Variants in CTNND2 observed in about 807,000 individuals in gnomAD.
CTNND2 encodes catenin delta-2.
CTNND2 carries 22 observed loss-of-function variants against 144.4 expected under a neutral mutation model. The observed-to-expected ratio is 0.15, with a 90% CI of 0.11 to 0.22. The LOEUF (loss-of-function observed/expected upper bound fraction) is 0.22. Ranked by LOEUF, CTNND2 falls within the 10% of genes least tolerant of loss-of-function variation. The pLI is 1.00. For synonymous variants in CTNND2, 751 were observed against 695.6 expected (o/e 1.08, Z -1.25); for missense variants, 1,353 against 1,618.8 (o/e 0.84, Z 2.82).
intron 2 of CTNND2, among the ~76,000 whole-genome samples, chr5:11,593,058 A>C (rs776257100): frequency 2.0e-5 from 3 of 152,074 alleles, no homozygotes; most frequent in Admixed American, 6.6e-5. Context: ...GTTGCGAAAA[A>C]ATAAAAAAAA....
At chr5:11,807,022 TA>T (rs1792041904) in intron 1 of CTNND2, among the ~76,000 whole-genome samples, 2 of 151,764 alleles carry the variant, frequency 1.3e-5, no homozygotes, top group South Asian at 4.1e-4. Context: ...ATAATAAAAA[TA>T]AATATTTAAC....
At chr5:11,894,985 G>A (rs1013856175) in intron 1 of CTNND2, among the ~76,000 whole-genome samples, 2 of 152,158 alleles carry the variant, frequency 1.3e-5, no homozygotes, top group African/African-American at 4.8e-5. Context: ...GGGTGGGGCT[G>A]GGGAGAAGCA....
intron 1 of CTNND2, among the ~76,000 whole-genome samples, chr5:11,838,342 G>A (rs1794285823): frequency 6.6e-6 from 1 of 152,096 alleles, no homozygotes; most frequent in South Asian, 2.1e-4. Context: ...TTCAAACACA[G>A]CAGGCACATT....
chr5:11,722,729 C>A (rs1359900477), intron 2 of CTNND2, among the ~76,000 whole-genome samples: 1 of 152,158 alleles, frequency 6.6e-6, no homozygotes, highest in Non-Finnish European at 1.5e-5. Flanking sequence ...ACTATCACAA[C>A]AACAGCAGGA....
rs71595819 is a variant in CTNND2 at position 11,435,115 on chromosome 5, CTATT to C, written c.288-23050_288-23047del. On this transcript the variant is annotated intron_variant, in intron 3 of 21. Transcript: ENST00000304623. ...AGATTAGCAAACGTTTTCTTTTTTACTATTTATTTATTTATTTATTTATTTATTT... is the reference window on the plus strand; with the variant it reads ...AGATTAGCAAACGTTTTCTTTTTTACTATTTATTTATTTATTTATTTATTT... Among the ~76,000 whole-genome samples, 1,046 of 146,024 alleles carry C rather than the reference CTATT, an allele frequency of 7.2e-3. 7 individuals carry two copies. The highest frequency in any genetic ancestry group is 0.012 in the African/African-American group (464 of 39,634).
chr5:11,286,883 C>T (rs1027022174), intron 9 of CTNND2, among the ~76,000 whole-genome samples: 13 of 152,140 alleles, frequency 8.5e-5, no homozygotes, highest in Non-Finnish European at 1.5e-5. Context: ...AAGAACAGTC[C>T]TTGCTTGCTG....
intron 11 of CTNND2, among the ~76,000 whole-genome samples, chr5:11,178,378 C>T (rs906343746): frequency 7.2e-5 from 11 of 152,144 alleles, no homozygotes; most frequent in African/African-American, 2.7e-4. Flanking sequence ...ATATAGTTTC[C>T]ACCAAATTAG....
intron 11 of CTNND2, among the ~76,000 whole-genome samples, chr5:11,180,167 T>C (rs186428383): frequency 7.9e-5 from 12 of 152,160 alleles, no homozygotes; most frequent in Non-Finnish European, 7.4e-5. Flanking sequence ...GTTCTTGTGA[T>C]AGTGAGTGAA....
chr5:11,062,209 T>C (rs1384143562), intron 16 of CTNND2, among the ~76,000 whole-genome samples: 5 of 152,076 alleles, frequency 3.3e-5, no homozygotes. Context: ...TATCCAACTA[T>C]GTATTAGCAT....
intron 6 of CTNND2, among the ~76,000 whole-genome samples, chr5:11,390,024 G>A (rs1037245870): frequency 6.6e-6 from 1 of 152,074 alleles, no homozygotes; most frequent in Admixed American, 6.5e-5. Flanking sequence ...ATCGCCCCCC[G>A]CCAAAATCTG....
chr5:11,393,478 G>A (rs573981389), intron 6 of CTNND2, among the ~76,000 whole-genome samples: 23 of 152,066 alleles, frequency 1.5e-4, no homozygotes, highest in South Asian at 4.1e-4. Flanking sequence ...TTTTTTATTC[G>A]GACATGGGGT....
chr5:11,454,845 G>A (rs765105475), intron 3 of CTNND2, among the ~76,000 whole-genome samples: 21 of 151,142 alleles, frequency 1.4e-4, no homozygotes, highest in Non-Finnish European at 1.9e-4. Context: ...CAGGCAATCC[G>A]CCCATCTCAG....
At chr5:10,984,941 G>A (rs1737750244) in intron 20 of CTNND2, among the ~76,000 whole-genome samples, 1 of 152,070 alleles carries the variant, frequency 6.6e-6, no homozygotes, top group African/African-American at 2.4e-5. Context: ...GGGCATGGTG[G>A]CAGGTGCCTG....
At chr5:11,483,570 T>C (rs1463853706) in intron 3 of CTNND2, among the ~76,000 whole-genome samples, 1 of 152,228 alleles carries the variant, frequency 6.6e-6, no homozygotes, top group Non-Finnish European at 1.5e-5. Context: ...ATGGAGCATA[T>C]GACCTTCAAT....
intron 9 of CTNND2, among the ~76,000 whole-genome samples, chr5:11,301,984 G>A: frequency 6.6e-6 from 1 of 152,102 alleles, no homozygotes; most frequent in Non-Finnish European, 1.5e-5. Flanking sequence ...ACTGGAGGAG[G>A]GTGGGGGTCC....
intron 2 of CTNND2, among the ~76,000 whole-genome samples, chr5:11,569,683 C>A (rs974569033): frequency 2.0e-5 from 3 of 152,050 alleles, no homozygotes; most frequent in Admixed American, 6.6e-5. Flanking sequence ...ATGGTATCAT[C>A]CAGATTTAAG....
chr5:11,638,399 G>C (rs751271636), intron 2 of CTNND2, among the ~76,000 whole-genome samples: 12 of 152,198 alleles, frequency 7.9e-5, no homozygotes, highest in Non-Finnish European at 1.3e-4. Flanking sequence ...ATTAGTCTAA[G>C]AAATAACTGG....
chr5:11,108,678 G>A (rs1752660094), intron 14 of CTNND2, among the ~76,000 whole-genome samples: 1 of 151,980 alleles, frequency 6.6e-6, no homozygotes, highest in Non-Finnish European at 1.5e-5. Flanking sequence ...GGAGGTTTTG[G>A]ATTCCATCAG....
chr5:11,665,289 G>C (rs989786041), intron 2 of CTNND2, among the ~76,000 whole-genome samples: 9 of 152,258 alleles, frequency 5.9e-5, no homozygotes, highest in African/African-American at 1.9e-4. Context: ...ATGAGATAGT[G>C]AGCAAGTTAT....
Sources: gnomAD v4.1 joint callset for allele counts (sites outside exome capture counted in the v4.1 genomes callset) on GRCh38, gnomAD v4.1.1 for gene constraint, MANE v1.5 for transcripts, NCBI Gene and HGNC (gene_info 2026-07-23, HGNC 2026-07-21) for gene names.